NKAIN3: variants seen among roughly 807,000 people sequenced by gnomAD.
The protein encoded by NKAIN3 is sodium/potassium-transporting ATPase subunit beta-1-interacting protein 3.
A neutral mutation model predicts 30.2 loss-of-function variants in NKAIN3; 25 were observed. The ratio of observed to expected loss-of-function variants is 0.83; its 90% confidence interval spans 0.60 to 1.16. The LOEUF is 1.16. Among genes scored for constraint, NKAIN3 ranks in the 50% most tolerant of loss-of-function variants. The pLI is 0.00. For synonymous variants in NKAIN3, 91 were observed against 89.6 expected (o/e 1.02, Z -0.09); for missense variants, 225 against 254.1 (o/e 0.89, Z 0.78).
At chr8:62,886,829 C>T (rs559679225) in intron 4 of NKAIN3, among the ~76,000 whole-genome samples, 30 of 152,234 alleles carry the variant, frequency 2.0e-4, no homozygotes, top group African/African-American at 7.0e-4. Context: ...GCCTCCACCC[C>T]CGACAGACCC....
chr8:62,714,842 T>C (rs1814839506), intron 3 of NKAIN3, among the ~76,000 whole-genome samples: 1 of 152,248 alleles, frequency 6.6e-6, no homozygotes, highest in Non-Finnish European at 1.5e-5. Flanking sequence ...CAAAACTTTA[T>C]GCTACAAGTA....
intron 4 of NKAIN3, among the ~76,000 whole-genome samples, chr8:62,857,531 G>T (rs1820099828): frequency 6.6e-6 from 1 of 152,142 alleles, no homozygotes; most frequent in East Asian, 1.9e-4. Flanking sequence ...GTTCTTGGAG[G>T]TTTTGTTCAT....
At chr8:62,782,981 G>A (rs1028088221) in intron 4 of NKAIN3, among the ~76,000 whole-genome samples, 2 of 151,830 alleles carry the variant, frequency 1.3e-5, no homozygotes, top group African/African-American at 4.8e-5. Flanking sequence ...GATACTCAAG[G>A]TGATAGATAC....
At chr8:62,515,474 C>T (rs1807957690) in intron 1 of NKAIN3, among the ~76,000 whole-genome samples, 1 of 152,064 alleles carries the variant, frequency 6.6e-6, no homozygotes, top group Non-Finnish European at 1.5e-5. Flanking sequence ...CCTCTATCTT[C>T]TTTTCTTAAC....
At position 62,870,247 on chromosome 8, in the gene NKAIN3, T is replaced by A. The variant is rs1470906929; in HGVS notation, c.472-48206T>A. Among the ~76,000 whole-genome samples, 17 of 134,748 alleles carry A rather than the reference T, an allele frequency of 1.3e-4. No individual in the cohort carries two copies. The Admixed American group carries it at 1.3e-3, about 10-fold the overall frequency. The allele number at this position is 134,748 out of a possible 152,430, so 88.4% of individuals were successfully genotyped here. Reference sequence around the variant, plus strand: ...ATATCTATATATAGATATCTATAGATATCTATATATATATCTATATATAGA... The same window carrying A: ...ATATCTATATATAGATATCTATAGAAATCTATATATATATCTATATATAGA... On this transcript the variant is annotated intron_variant, in intron 4 of 6. Transcript: ENST00000623646.
intron 6 of NKAIN3, among the ~76,000 whole-genome samples, chr8:62,957,203 G>A (rs4739030): frequency 0.081 from 12,302 of 151,772 alleles, 490 homozygotes; most frequent in South Asian, 0.099. Flanking sequence ...GCACTATCTC[G>A]GCTCACTGCA....
chr8:62,910,255 A>C (rs537697768), intron 4 of NKAIN3, among the ~76,000 whole-genome samples: 2 of 152,294 alleles, frequency 1.3e-5, no homozygotes, highest in African/African-American at 4.8e-5. Context: ...TAAGAAAGAA[A>C]TATAAGTTAC....
At chr8:62,641,469 A>G (rs186238537) in intron 3 of NKAIN3, among the ~76,000 whole-genome samples, 5 of 152,298 alleles carry the variant, frequency 3.3e-5, no homozygotes, top group Admixed American at 2.6e-4. Context: ...ACAATAACAG[A>G]AATGCTCTCA....
At chr8:62,672,130 C>T (rs1426639159) in intron 3 of NKAIN3, among the ~76,000 whole-genome samples, 2 of 152,180 alleles carry the variant, frequency 1.3e-5, no homozygotes, top group Admixed American at 1.3e-4. Context: ...CTCAGGCAAC[C>T]AACAAGTGTC....
chr8:62,708,850 C>T (rs1814624690), intron 3 of NKAIN3, among the ~76,000 whole-genome samples: 1 of 152,172 alleles, frequency 6.6e-6, no homozygotes, highest in Non-Finnish European at 1.5e-5. Flanking sequence ...ATTATGTTGG[C>T]TGTGGGTTTG....
chr8:62,900,090 G>A (rs1383552163), intron 4 of NKAIN3, among the ~76,000 whole-genome samples: 2 of 151,564 alleles, frequency 1.3e-5, no homozygotes, highest in Non-Finnish European at 2.9e-5. Flanking sequence ...GATTTCTATT[G>A]ATTTGAACAT....
intron 1 of NKAIN3, among the ~76,000 whole-genome samples, chr8:62,363,511 G>C (rs937592822): frequency 6.6e-5 from 10 of 152,122 alleles, no homozygotes; most frequent in African/African-American, 2.4e-4. Flanking sequence ...CAAGGACTTA[G>C]GTGAAGCTGC....
In NKAIN3 at chr8:62,839,312, A is replaced by AC. The variant is rs575571497; in HGVS notation, c.472-79141_472-79140insC. Among the ~76,000 whole-genome samples the AC allele has an allele frequency of 1.1e-3, 169 of 151,942 alleles. 1 individual carries two copies. The highest frequency in any genetic ancestry group is 0.011 in the East Asian group (55 of 5,162). On this transcript the variant is annotated intron_variant, in intron 4 of 6. Transcript: ENST00000623646. ...GAGGATTTGCCTACATTAAAAAAAA[A>AC]AAAACAAAAACGACTTTCACACCAA...
intron 4 of NKAIN3, among the ~76,000 whole-genome samples, chr8:62,909,674 A>G (rs1821878078): frequency 6.7e-6 from 1 of 149,130 alleles, no homozygotes; most frequent in Non-Finnish European, 1.5e-5. Context: ...TTATTAATTA[A>G]GCAGCAGTTT....
intron 3 of NKAIN3, among the ~76,000 whole-genome samples, chr8:62,677,401 A>G (rs1004003791): frequency 1.3e-5 from 2 of 152,184 alleles, no homozygotes; most frequent in African/African-American, 4.8e-5. Context: ...GGATGTGAGA[A>G]GGGGGCATAA....
intron 1 of NKAIN3, among the ~76,000 whole-genome samples, chr8:62,423,682 T>A (rs1327347136): frequency 6.6e-6 from 1 of 151,974 alleles, no homozygotes; most frequent in African/African-American, 2.4e-5. Flanking sequence ...CTGTGATTTT[T>A]AAATACTTTT....
chr8:62,897,604 G>T (rs1274342345), intron 4 of NKAIN3, among the ~76,000 whole-genome samples: 4 of 152,068 alleles, frequency 2.6e-5, no homozygotes, highest in Non-Finnish European at 5.9e-5. Flanking sequence ...AGGTGCTATG[G>T]TTTGTTTTGT....
chr8:62,894,899 T>C (rs994143457), intron 4 of NKAIN3, among the ~76,000 whole-genome samples: 10 of 152,144 alleles, frequency 6.6e-5, no homozygotes, highest in African/African-American at 2.2e-4. Flanking sequence ...ATCACATCAA[T>C]ATTCCAGGCA....
Position 62,409,527 on chromosome 8 carries a change from CT to C in NKAIN3, c.54+160406del, listed in dbSNP as rs566692826. 2.1e-3 allele frequency among the ~76,000 whole-genome samples: 321 copies of C among 152,158 alleles called. 1 individual carries two copies. The highest frequency in any genetic ancestry group is 7.3e-3 in the African/African-American group (305 of 41,508). The stretch of plus-strand genomic sequence containing the variant: ...CATTTTAAGTATTATTCTTATACTA[CT>C]TTTTTATTTATTGGAATTTTACAGG... On this transcript the variant is annotated intron_variant, in intron 1 of 6. Coordinates refer to ENST00000623646, the MANE Select transcript of NKAIN3 (RefSeq NM_001304533.3).
Sources: gnomAD v4.1 joint callset for allele counts (sites outside exome capture counted in the v4.1 genomes callset) on GRCh38, gnomAD v4.1.1 for gene constraint, MANE v1.5 for transcripts, NCBI Gene and HGNC (gene_info 2026-07-23, HGNC 2026-07-21) for gene names.